UNC5D: variants seen among roughly 807,000 people sequenced by gnomAD.
The protein encoded by UNC5D is unc-5 netrin receptor D.
A neutral mutation model predicts 105.4 loss-of-function variants in UNC5D; 39 were observed. The ratio of observed to expected loss-of-function variants is 0.37; its 90% CI spans 0.29 to 0.48. UNC5D has a LOEUF of 0.48. UNC5D is among the 20% of genes least tolerant of loss of function. UNC5D has a pLI of 0.98. For synonymous variants in UNC5D, 452 were observed against 450.4 expected (o/e 1.00, Z -0.04); for missense variants, 991 against 1,202.4 (o/e 0.82, Z 2.60).
At chr8:35,383,915 C>T (rs1803201604) in intron 1 of UNC5D, among the ~76,000 whole-genome samples, 2 of 151,230 alleles carry the variant, frequency 1.3e-5, no homozygotes, top group African/African-American at 4.9e-5. Context: ...CCTGTCTCTA[C>T]TGAAAAAATA....
intron 2 of UNC5D, among the ~76,000 whole-genome samples, chr8:35,555,783 A>G (rs562334769): frequency 1.3e-5 from 2 of 151,398 alleles, no homozygotes; most frequent in Non-Finnish European, 2.9e-5. Flanking sequence ...CTGAGATCGC[A>G]CCACTGTACT....
At chr8:35,620,445 G>A (rs1821297773) in intron 4 of UNC5D, among the ~76,000 whole-genome samples, 1 of 152,130 alleles carries the variant, frequency 6.6e-6, no homozygotes, top group Non-Finnish European at 1.5e-5. Context: ...TGCAGTCTAA[G>A]GGGCTTTTGT....
intron 1 of UNC5D, among the ~76,000 whole-genome samples, chr8:35,415,874 A>G (rs1805496948): frequency 6.6e-6 from 1 of 152,194 alleles, no homozygotes; most frequent in Non-Finnish European, 1.5e-5. Context: ...ACAGTAGAGT[A>G]GGAAGATAAC....
intron 1 of UNC5D, among the ~76,000 whole-genome samples, chr8:35,300,797 A>G (rs1807895590): frequency 6.6e-6 from 1 of 152,216 alleles, no homozygotes; most frequent in African/African-American, 2.4e-5. Flanking sequence ...ATAGTATTCT[A>G]TAGATAATGA....
At chr8:35,371,907 C>T (rs1021871941) in intron 1 of UNC5D, among the ~76,000 whole-genome samples, 3 of 152,118 alleles carry the variant, frequency 2.0e-5, no homozygotes, top group African/African-American at 7.2e-5. Flanking sequence ...TTGAATAAAA[C>T]CAAACAAGGA....
intron 3 of UNC5D, among the ~76,000 whole-genome samples, chr8:35,576,502 A>T (rs1213770173): frequency 6.6e-6 from 1 of 152,202 alleles, no homozygotes; most frequent in Non-Finnish European, 1.5e-5. Flanking sequence ...ACAGCTCCCT[A>T]TAAACTGTAC....
intron 1 of UNC5D, among the ~76,000 whole-genome samples, chr8:35,370,766 T>A (rs1209469120): frequency 6.6e-6 from 1 of 152,212 alleles, no homozygotes; most frequent in Admixed American, 6.5e-5. Flanking sequence ...TTAATCATAG[T>A]TTCTATCCTT....
At chr8:35,602,257 C>A (rs184468134) in intron 4 of UNC5D, among the ~76,000 whole-genome samples, 1 of 152,240 alleles carries the variant, frequency 6.6e-6, no homozygotes, top group Non-Finnish European at 1.5e-5. Context: ...GTCTAAAATT[C>A]TCTTTTTTTG....
chr8:35,634,246 TCA>T (rs1479320728), intron 4 of UNC5D, among the ~76,000 whole-genome samples: 40 of 152,198 alleles, frequency 2.6e-4, no homozygotes, highest in African/African-American at 9.7e-4. Flanking sequence ...TTTTCCAGAA[TCA>T]CACAGAATTT....
chr8:35,299,216 G>C (rs1260181028), intron 1 of UNC5D, among the ~76,000 whole-genome samples: 1 of 152,210 alleles, frequency 6.6e-6, no homozygotes, highest in East Asian at 1.9e-4. Flanking sequence ...GTTATGATGG[G>C]TGGGAGTGTG....
Position 35,750,695 on chromosome 8 carries a change from C to T in UNC5D, c.2049C>T (p.Ile683=), listed in dbSNP as rs1830236575. 1 of 1,614,172 alleles carries T rather than the reference C, an allele frequency of 6.2e-7. No homozygotes were observed. Among genetic ancestry groups the T allele is most frequent in the Admixed American group, 1.7e-5 (1 of 60,026 alleles). The change falls in exon 13 of 17, where the codon ATC becomes ATT. Residue 683 remains isoleucine (I), a synonymous_variant. Transcript: ENST00000404895. ...CCTATGCGCTCACTGGAGAGCCAAT[C>T]ACAGACTGTGCCGTGAAGCAACTGA... The part of the protein sequence containing the change: ...FGTYALTGEP[I]TDCAVKQLKV...
chr8:35,642,861 A>G (rs1246267684), intron 4 of UNC5D, among the ~76,000 whole-genome samples: 1 of 152,114 alleles, frequency 6.6e-6, no homozygotes, highest in African/African-American at 2.4e-5. Flanking sequence ...TACAAAATAC[A>G]TTTCCCCTTC....
chr8:35,302,100 A>G (rs1045296384), intron 1 of UNC5D, among the ~76,000 whole-genome samples: 18 of 152,154 alleles, frequency 1.2e-4, no homozygotes, highest in Non-Finnish European at 2.2e-4. Flanking sequence ...GGAGGGAGGA[A>G]GAAGGGATAG....
At chr8:35,558,471 C>G (rs987981748) in intron 2 of UNC5D, among the ~76,000 whole-genome samples, 1 of 152,092 alleles carries the variant, frequency 6.6e-6, no homozygotes, top group South Asian at 2.1e-4. Context: ...ATGTGTTATT[C>G]AAAATATGAG....
In UNC5D at chr8:35,369,203, G is replaced by A. The variant is rs1007639610; in HGVS notation, c.103+133316G>A. Among the ~76,000 whole-genome samples, 6 of 152,184 alleles carry A rather than the reference G, an allele frequency of 3.9e-5. 1 individual carries two copies. In the South Asian group the frequency reaches 1.0e-3, roughly 26 times the overall value. ...TTAAATCACCTATCTCTCAGGTAGT[G>A]TCTCTCCCTAGGAGATGAGTTCTTT... On this transcript the variant is annotated intron_variant, in intron 1 of 16. Coordinates refer to ENST00000404895, the MANE Select transcript of UNC5D (RefSeq NM_080872.4).
chr8:35,669,510 C>CTAT (rs1824635514), intron 4 of UNC5D, among the ~76,000 whole-genome samples: 1 of 151,982 alleles, frequency 6.6e-6, no homozygotes, highest in Admixed American at 6.6e-5. Flanking sequence ...TCTATCCATC[C>CTAT]TATTTTACCC....
intron 15 of UNC5D, among the ~76,000 whole-genome samples, chr8:35,769,880 T>A (rs909842829): frequency 6.6e-6 from 1 of 152,134 alleles, no homozygotes; most frequent in Non-Finnish European, 1.5e-5. Context: ...GGAGAATTGC[T>A]TGAACCCAGA....
intron 1 of UNC5D, among the ~76,000 whole-genome samples, chr8:35,517,557 G>A (rs1373552726): frequency 6.6e-6 from 1 of 152,198 alleles, no homozygotes; most frequent in Non-Finnish European, 1.5e-5. Flanking sequence ...CTTGATGTTA[G>A]TGTGGAGTCC....
chr8:35,746,920 GT>G (rs112264826), intron 11 of UNC5D, among the ~76,000 whole-genome samples: 25 of 152,096 alleles, frequency 1.6e-4, no homozygotes, highest in African/African-American at 6.0e-4. Context: ...GAATTTTATG[GT>G]TTTTTTCCCC....
Sources: allele counts gnomAD v4.1 joint callset (sites outside exome capture counted in the v4.1 genomes callset), GRCh38; gene constraint gnomAD v4.1.1; transcripts MANE v1.5; gene names NCBI Gene and HGNC (gene_info 2026-07-23, HGNC 2026-07-21).